ELOVL6: variants seen among roughly 807,000 people sequenced by gnomAD.
ELOVL6 encodes very long chain fatty acid elongase 6.
ELOVL6 carries 8 observed loss-of-function variants against 31.7 expected under a neutral mutation model. The ratio of observed to expected loss-of-function variants is 0.25; its 90% CI spans 0.15 to 0.45. The LOEUF (loss-of-function observed/expected upper bound fraction) is 0.45. ELOVL6 is among the 20% of genes least tolerant of loss of function. The pLI, the probability that ELOVL6 is intolerant of heterozygous loss-of-function variation, is 1.00. For missense variants in ELOVL6, 126 were observed against 326.4 expected (o/e 0.39, Z 4.73); for synonymous variants, 101 against 117.7 (o/e 0.86, Z 0.92).
At chr4:110,139,588 GAAGCA>G (rs1343636559) in intron 1 of ELOVL6, among the ~76,000 whole-genome samples, 1 of 151,958 alleles carries the variant, frequency 6.6e-6, no homozygotes, top group African/African-American at 2.4e-5. Context: ...ACGTATTTTG[GAAGCA>G]AAGGAGAGAA....
At chr4:110,064,705 C>T (rs1755248016) in intron 2 of ELOVL6, among the ~76,000 whole-genome samples, 1 of 151,982 alleles carries the variant, frequency 6.6e-6, no homozygotes, top group Non-Finnish European at 1.5e-5. Context: ...CCAGGCTGGT[C>T]TTGAACTCCT....
At chr4:110,163,059 C>G (rs1285475093) in intron 1 of ELOVL6, among the ~76,000 whole-genome samples, 1 of 152,188 alleles carries the variant, frequency 6.6e-6, no homozygotes, top group Admixed American at 6.5e-5. Flanking sequence ...TACAGAATCA[C>G]ACTGAGAATA....
At chr4:110,171,070 G>A (rs1471594881) in intron 1 of ELOVL6, among the ~76,000 whole-genome samples, 1 of 152,166 alleles carries the variant, frequency 6.6e-6, no homozygotes, top group Non-Finnish European at 1.5e-5. Flanking sequence ...AGGCCAAGAA[G>A]AATCTGAACA....
At chr4:110,087,109 T>C (rs1756289317) in intron 2 of ELOVL6, among the ~76,000 whole-genome samples, 1 of 152,112 alleles carries the variant, frequency 6.6e-6, no homozygotes, top group Admixed American at 6.6e-5. Context: ...CTTACAAATT[T>C]GGGAGATATG....
intron 2 of ELOVL6, among the ~76,000 whole-genome samples, chr4:110,080,913 T>A (rs535476400): frequency 6.6e-6 from 1 of 152,256 alleles, no homozygotes; most frequent in Non-Finnish European, 1.5e-5. Context: ...ACAAAATCAA[T>A]GTGCAAAAAT....
At chr4:110,090,600 C>CTTTTTTGTTTTT (rs1553956743) in intron 2 of ELOVL6, among the ~76,000 whole-genome samples, 9 of 103,712 alleles carry the variant, frequency 8.7e-5, no homozygotes, top group Non-Finnish European at 1.4e-4. Context: ...GTTTGACTTT[C>CTTTTTTGTTTTT]TTTTTTTTTT....
chr4:110,066,732 T>G (rs1292921163), intron 2 of ELOVL6, among the ~76,000 whole-genome samples: 1 of 151,678 alleles, frequency 6.6e-6, no homozygotes, highest in Non-Finnish European at 1.5e-5. Context: ...CTAAACCCTT[T>G]CCACACTTGA....
chr4:110,077,824 G>T (rs911681570), intron 2 of ELOVL6, among the ~76,000 whole-genome samples: 2 of 152,088 alleles, frequency 1.3e-5, no homozygotes, highest in African/African-American at 4.8e-5. Flanking sequence ...CCATGGCAAA[G>T]AAGTTAAAAA....
chr4:110,104,852 G>A (rs1466057614), intron 2 of ELOVL6, among the ~76,000 whole-genome samples: 3 of 152,300 alleles, frequency 2.0e-5, no homozygotes, highest in East Asian at 3.9e-4. Context: ...GCTTCTGGAG[G>A]AATGAGTCTG....
rs150599438 is a variant in ELOVL6, at chr4:110,170,978, C to T, written c.89+27269G>A. On this transcript the variant is annotated intron_variant, in intron 1 of 3. Coordinates refer to ENST00000302274, the MANE Select transcript of ELOVL6 (RefSeq NM_024090.3). Reference sequence around the variant, plus strand: ...AGCCCAAGGCAGAACTCTAACCTTCCCAGGCCTTTCTGATTGAGTCCTGAG... The same window carrying T: ...AGCCCAAGGCAGAACTCTAACCTTCTCAGGCCTTTCTGATTGAGTCCTGAG... Among the ~76,000 whole-genome samples the T allele has an allele frequency of 3.2e-3, 487 of 152,246 alleles. 4 individuals carry two copies. The highest frequency in any genetic ancestry group is 5.9e-3 in the Non-Finnish European group (403 of 68,024).
chr4:110,097,663 C>A (rs1408793889), intron 2 of ELOVL6, among the ~76,000 whole-genome samples: 1 of 151,748 alleles, frequency 6.6e-6, no homozygotes, highest in African/African-American at 2.4e-5. Context: ...GTGTGTTATT[C>A]CTAGTCTCAG....
intron 1 of ELOVL6, among the ~76,000 whole-genome samples, chr4:110,195,351 G>A (rs1489864226): frequency 1.3e-5 from 2 of 151,754 alleles, no homozygotes; most frequent in African/African-American, 2.4e-5. Context: ...AACTCCTGTC[G>A]TCAGGTAATC....
intron 2 of ELOVL6, among the ~76,000 whole-genome samples, chr4:110,084,584 ATATATTTTTT>A (rs1397615307): frequency 3.5e-4 from 19 of 54,878 alleles, no homozygotes; most frequent in African/African-American, 2.7e-3. Context: ...ATATATATAT[ATATATTTTTT>A]TTTTTTTTTT....
intron 2 of ELOVL6, among the ~76,000 whole-genome samples, chr4:110,094,554 C>A (rs889277079): frequency 6.8e-6 from 1 of 147,660 alleles, no homozygotes; most frequent in Non-Finnish European, 1.5e-5. Flanking sequence ...GTGTTCTGGG[C>A]AAGGGAAGAG....
chr4:110,084,135 A>C (rs1424185269), intron 2 of ELOVL6, among the ~76,000 whole-genome samples: 5 of 35,294 alleles, frequency 1.4e-4, no homozygotes, highest in African/African-American at 9.8e-4. Context: ...ATATGTGATA[A>C]TGATATATAT....
At chr4:110,088,229 C>G (rs1374974479) in intron 2 of ELOVL6, among the ~76,000 whole-genome samples, 1 of 152,144 alleles carries the variant, frequency 6.6e-6, no homozygotes, top group African/African-American at 2.4e-5. Context: ...AGTATTGTAG[C>G]TTATACATTT....
At chr4:110,106,726 T>A (rs1445162738) in intron 1 of ELOVL6, among the ~76,000 whole-genome samples, 1 of 152,086 alleles carries the variant, frequency 6.6e-6, no homozygotes, top group Admixed American at 6.5e-5. Context: ...TCCTATGTCA[T>A]CCTGTGACTA....
chr4:110,052,642 G>A (rs1754864797), intron 3 of ELOVL6, among the ~76,000 whole-genome samples: 1 of 152,202 alleles, frequency 6.6e-6, no homozygotes, highest in South Asian at 2.1e-4. Flanking sequence ...GTGGGTAGAT[G>A]CTATGTATCT....
At chr4:110,149,970 T>C (rs561340706) in intron 1 of ELOVL6, among the ~76,000 whole-genome samples, 1 of 152,316 alleles carries the variant, frequency 6.6e-6, no homozygotes, top group Non-Finnish European at 1.5e-5. Context: ...AAGTACATCA[T>C]GTAGTGAGAG....
Sources: allele counts gnomAD v4.1 joint callset (sites outside exome capture counted in the v4.1 genomes callset), GRCh38; gene constraint gnomAD v4.1.1; transcripts MANE v1.5; gene names NCBI Gene and HGNC (gene_info 2026-07-23, HGNC 2026-07-21).